Variants in LRRC7 observed in about 807,000 individuals in gnomAD.
LRRC7 encodes leucine-rich repeat-containing protein 7.
A neutral mutation model predicts 175.7 loss-of-function variants in LRRC7; 23 were observed. The ratio of observed to expected loss-of-function variants is 0.13; its 90% CI spans 0.09 to 0.19. The LOEUF (loss-of-function observed/expected upper bound fraction) is 0.19, where lower values mean the gene tolerates loss of function less well. Ranked by LOEUF, LRRC7 falls within the 10% of genes least tolerant of loss-of-function variation. The pLI, the probability that LRRC7 is intolerant of heterozygous loss-of-function variation, is 1.00. For synonymous variants in LRRC7, 685 were observed against 680.9 expected (o/e 1.01, Z -0.09); for missense variants, 1,354 against 1,904.7 (o/e 0.71, Z 5.38).
At chr1:69,955,431 G>A (rs961753009) in intron 8 of LRRC7, among the ~76,000 whole-genome samples, 61 of 151,928 alleles carry the variant, frequency 4.0e-4, no homozygotes, top group Admixed American at 3.6e-3. Context: ...GCTTTAGGCA[G>A]AAGAGGCAGC....
intron 1 of LRRC7, among the ~76,000 whole-genome samples, chr1:69,590,113 T>C (rs560483348): frequency 6.6e-6 from 1 of 152,128 alleles, no homozygotes; most frequent in South Asian, 2.1e-4. Flanking sequence ...ATATTTTCTG[T>C]TCATAATATT....
At chr1:70,089,913 T>C (rs1234088721) in intron 25 of LRRC7, 94 bp downstream of exon 25, 1 of 902,364 alleles carries the variant, frequency 1.1e-6, no homozygotes, top group Non-Finnish European at 1.7e-6. Flanking sequence ...GTTTTTGTTG[T>C]GTTTTCATGA....
intron 3 of LRRC7, among the ~76,000 whole-genome samples, chr1:69,772,117 G>A (rs1020799999): frequency 1.3e-4 from 20 of 151,856 alleles, no homozygotes; most frequent in African/African-American, 4.1e-4. Flanking sequence ...GTGAAACTCC[G>A]CCTCTAAATA....
rs531967266 is a variant in LRRC7, at chr1:69,848,970, T to C, written c.647+10687T>C. ...TCTTACCAAACTAATTTTTCCATTG[T>C]GTTTAGTTTTATATTGTTTATATTG... is the stretch of plus-strand genomic sequence containing the variant. On this transcript the variant is annotated intron_variant, in intron 7 of 26. Coordinates refer to ENST00000651989, the MANE Select transcript of LRRC7 (RefSeq NM_001370785.2). 2.6e-5 allele frequency among the ~76,000 whole-genome samples: 4 copies of C among 152,260 alleles called. No individual in the cohort carries two copies. In the South Asian group the frequency reaches 8.3e-4, roughly 32 times the overall value.
At chr1:70,082,215 G>A (rs528884014) in intron 24 of LRRC7, among the ~76,000 whole-genome samples, 1 of 152,138 alleles carries the variant, frequency 6.6e-6, no homozygotes, top group Non-Finnish European at 1.5e-5. Flanking sequence ...AACATTTGGA[G>A]ATATTTGTTT....
chr1:69,637,380 G>A (rs1653554707), intron 1 of LRRC7, among the ~76,000 whole-genome samples: 1 of 151,626 alleles, frequency 6.6e-6, no homozygotes, highest in Non-Finnish European at 1.5e-5. Context: ...TAAGTCTTGG[G>A]GTTAATTCTA....
At chr1:69,690,545 C>T (rs1160984862) in intron 2 of LRRC7, among the ~76,000 whole-genome samples, 2 of 152,126 alleles carry the variant, frequency 1.3e-5, no homozygotes, top group Admixed American at 6.5e-5. Flanking sequence ...TACACCCTTC[C>T]TTTCGTATTA....
chr1:69,875,760 G>T (rs571493702), intron 7 of LRRC7, among the ~76,000 whole-genome samples: 51 of 151,850 alleles, frequency 3.4e-4, no homozygotes, highest in Non-Finnish European at 6.0e-4. Flanking sequence ...ATTTTTATAT[G>T]CATCTATATT....
intron 5 of LRRC7, among the ~76,000 whole-genome samples, chr1:69,830,339 G>A (rs1477505207): frequency 6.6e-6 from 1 of 151,664 alleles, no homozygotes; most frequent in Non-Finnish European, 1.5e-5. Context: ...TCTTGATTTG[G>A]CATATTTACT....
intron 1 of LRRC7, among the ~76,000 whole-genome samples, chr1:69,650,919 G>C (rs546939928): frequency 6.6e-6 from 1 of 152,118 alleles, no homozygotes; most frequent in South Asian, 2.1e-4. Flanking sequence ...GATTATAGCT[G>C]CCACTGATAT....
intron 1 of LRRC7, among the ~76,000 whole-genome samples, chr1:69,621,271 C>T (rs1219327938): frequency 6.6e-6 from 1 of 152,060 alleles, no homozygotes; most frequent in Non-Finnish European, 1.5e-5. Context: ...GTCTCGAACT[C>T]CCAACCTCAG....
chr1:69,647,516 G>A (rs1055500983), intron 1 of LRRC7, among the ~76,000 whole-genome samples: 4 of 152,046 alleles, frequency 2.6e-5, no homozygotes, highest in African/African-American at 7.2e-5. Context: ...AGGCTCCCTA[G>A]TAACTTTCAA....
intron 1 of LRRC7, among the ~76,000 whole-genome samples, chr1:69,582,341 A>G (rs941008807): frequency 1.6e-4 from 25 of 152,118 alleles, no homozygotes; most frequent in African/African-American, 5.6e-4. Flanking sequence ...TCCCCTACAG[A>G]CCTGTGGAAC....
At chr1:69,592,011 G>A in intron 1 of LRRC7, among the ~76,000 whole-genome samples, 1 of 152,028 alleles carries the variant, frequency 6.6e-6, no homozygotes, top group Non-Finnish European at 1.5e-5. Flanking sequence ...CCAGTGTTGA[G>A]GAAGGAACTG....
chr1:69,928,769 C>A (rs1418519059), intron 7 of LRRC7, among the ~76,000 whole-genome samples: 1 of 152,236 alleles, frequency 6.6e-6, no homozygotes, highest in Non-Finnish European at 1.5e-5. Context: ...CCAAGTGAGG[C>A]AATGCCTCGC....
chr1:69,599,768 G>A (rs1029926194), intron 1 of LRRC7, among the ~76,000 whole-genome samples: 5 of 152,102 alleles, frequency 3.3e-5, no homozygotes, highest in Admixed American at 1.3e-4. Flanking sequence ...TTCCCCACAA[G>A]TCCTGGGGAA....
chr1:69,718,886 G>C (rs1666048038), intron 2 of LRRC7, among the ~76,000 whole-genome samples: 1 of 151,796 alleles, frequency 6.6e-6, no homozygotes, highest in Non-Finnish European at 1.5e-5. Flanking sequence ...CAGTAATTGG[G>C]AGCCCCAACA....
intron 3 of LRRC7, among the ~76,000 whole-genome samples, chr1:69,784,869 G>T (rs1394480134): frequency 2.6e-5 from 4 of 152,066 alleles, no homozygotes; most frequent in African/African-American, 9.7e-5. Flanking sequence ...TGTTTTTAAA[G>T]TTATTTTTTA....
At position 69,884,614 on chromosome 1, in the gene LRRC7, T is replaced by C. The variant is rs968599406; in HGVS notation, c.647+46331T>C. 1.9e-4 allele frequency among the ~76,000 whole-genome samples: 26 copies of C among 138,202 alleles called. 3 individuals are homozygous for C. The highest frequency in any genetic ancestry group is 6.9e-4 in the African/African-American group (23 of 33,400). The allele number at this position is 138,202 out of a possible 152,430, so 90.7% of individuals were successfully genotyped here. The stretch of plus-strand genomic sequence containing the variant: ...TAATTGAATAGCCTTTATTTCCTTC[T>C]CCTGCCTAATTGCCCTGGCCAGAAC... On this transcript the variant is annotated intron_variant, in intron 7 of 26. Transcript: ENST00000651989.
Sources: allele counts gnomAD v4.1 joint callset (sites outside exome capture counted in the v4.1 genomes callset), GRCh38; gene constraint gnomAD v4.1.1; transcripts MANE v1.5; gene names NCBI Gene and HGNC (gene_info 2026-07-23, HGNC 2026-07-21).